Variants in PDE4D observed in about 807,000 individuals in gnomAD.
PDE4D encodes the protein phosphodiesterase 4D, also known as 3',5'-cyclic-AMP phosphodiesterase 4D.
Under a neutral mutation model 87.4 loss-of-function variants are expected in PDE4D, and 24 were observed. The ratio of observed to expected loss-of-function variants is 0.27; its 90% CI spans 0.20 to 0.39. The LOEUF (loss-of-function observed/expected upper bound fraction) is 0.39, where lower values mean the gene tolerates loss of function less well. Among genes scored for constraint, PDE4D ranks in the 10% least tolerant of loss-of-function variants. The pLI is 1.00. For synonymous variants in PDE4D, 384 were observed against 383.2 expected, an observed-to-expected ratio of 1.00 and a Z score of -0.02; for missense variants, 714 against 1,041.0, an observed-to-expected ratio of 0.69 and a Z score of 4.32.
intron 1 of PDE4D, among the ~76,000 whole-genome samples, chr5:59,405,461 T>C (rs1562123019): frequency 6.6e-6 from 1 of 152,228 alleles, no homozygotes; most frequent in Admixed American, 6.5e-5. Context: ...TTACCAGTTC[T>C]AGTAGTGTTT....
chr5:59,160,347 T>C (rs951288670), intron 5 of PDE4D, among the ~76,000 whole-genome samples: 4 of 152,202 alleles, frequency 2.6e-5, no homozygotes, highest in Non-Finnish European at 5.9e-5. Flanking sequence ...CTTATATTTT[T>C]TGTAACTATC....
In PDE4D at chr5:59,771,132, A is replaced by AAAATAAATAAATAAAT. The variant is rs201697322; in HGVS notation, c.455+122020_455+122035dup. Among the ~76,000 whole-genome samples, 212 of 143,236 alleles carry AAAATAAATAAATAAAT rather than the reference A, an allele frequency of 1.5e-3. 1 individual carries two copies. The highest frequency in any genetic ancestry group is 5.3e-3 in the African/African-American group (201 of 37,838). The allele number at this position is 143,236 out of a possible 152,430, so 94.0% of individuals were successfully genotyped here. On this transcript the variant is annotated intron_variant, in intron 1 of 14. Transcript: ENST00000340635. ...GCATGACAGAGCGAGACCCAGCCTC[A>AAAATAAATAAATAAAT]AAATAAATAAATAAATAAATAAATA...
chr5:59,015,002 G>A (rs1580302159), intron 6 of PDE4D, among the ~76,000 whole-genome samples: 1 of 152,244 alleles, frequency 6.6e-6, no homozygotes, highest in East Asian at 1.9e-4. Context: ...TGACAAACCT[G>A]ACAAAAACAA....
chr5:60,306,970 T>G (rs1253576351), intron 1 of PDE4D, among the ~76,000 whole-genome samples: 1 of 152,180 alleles, frequency 6.6e-6, no homozygotes, highest in African/African-American at 2.4e-5. Context: ...TTCATTATAT[T>G]ACGTTGTTGC....
chr5:59,538,053 A>G (rs1178005926), intron 1 of PDE4D, among the ~76,000 whole-genome samples: 1 of 152,194 alleles, frequency 6.6e-6, no homozygotes, highest in Non-Finnish European at 1.5e-5. Context: ...TAAAATCCCA[A>G]CTGAAAAATA....
intron 5 of PDE4D, among the ~76,000 whole-genome samples, chr5:59,093,941 T>C (rs563811271): frequency 6.0e-4 from 92 of 152,108 alleles, no homozygotes; most frequent in African/African-American, 2.2e-3. Context: ...AGGATGAGGC[T>C]GGGCATGTTG....
At chr5:60,046,825 T>A (rs1769322136) in intron 2 of PDE4D, among the ~76,000 whole-genome samples, 1 of 152,148 alleles carries the variant, frequency 6.6e-6, no homozygotes, top group Admixed American at 6.5e-5. Flanking sequence ...GGTCTAAAAT[T>A]CTCTTTTTTG....
At chr5:59,001,404 GTC>G (rs919030823) in intron 6 of PDE4D, among the ~76,000 whole-genome samples, 1 of 152,080 alleles carries the variant, frequency 6.6e-6, no homozygotes, top group African/African-American at 2.4e-5. Context: ...GTAACACTGT[GTC>G]TCTCTGAGTT....
At chr5:60,057,975 T>C (rs907094121) in intron 2 of PDE4D, among the ~76,000 whole-genome samples, 8 of 152,002 alleles carry the variant, frequency 5.3e-5, no homozygotes, top group South Asian at 2.1e-4. Context: ...TCTGGAAAGA[T>C]AGATTCTCTA....
chr5:59,916,255 CAT>C (rs2152774545), intron 3 of PDE4D, among the ~76,000 whole-genome samples: 1 of 152,292 alleles, frequency 6.6e-6, no homozygotes, highest in Non-Finnish European at 1.5e-5. Context: ...AACAAGCTCA[CAT>C]GTCATCAGGA....
In PDE4D at chr5:59,016,062, G is replaced by A. The variant is rs151250434; in HGVS notation, c.922-22597C>T. On this transcript the variant is annotated intron_variant, in intron 6 of 14. Transcript: ENST00000340635. ...AAACACCGCATGTTCTCACTCATAG[G>A]TGGGAATTGAACAATGAGAACACTT... is the stretch of plus-strand genomic sequence containing the variant. 2.6e-3 allele frequency among the ~76,000 whole-genome samples: 390 copies of A among 152,286 alleles called. 6 individuals are homozygous for A. In the East Asian group the frequency reaches 0.048, roughly 19 times the overall value.
At chr5:59,554,712 G>A (rs1470434879) in intron 1 of PDE4D, among the ~76,000 whole-genome samples, 1 of 152,158 alleles carries the variant, frequency 6.6e-6, no homozygotes, top group African/African-American at 2.4e-5. Flanking sequence ...ACCATGAAAC[G>A]ACTGGAGGAA....
chr5:60,156,393 C>T (rs1175157123), intron 2 of PDE4D, among the ~76,000 whole-genome samples: 1 of 152,142 alleles, frequency 6.6e-6, no homozygotes, highest in African/African-American at 2.4e-5. Context: ...TTGAGAGCTT[C>T]CCCTAGAGTG....
intron 1 of PDE4D, among the ~76,000 whole-genome samples, chr5:60,459,358 T>C (rs533516802): frequency 9.8e-5 from 15 of 152,344 alleles, no homozygotes; most frequent in East Asian, 7.7e-4. Flanking sequence ...CACCCTTTGC[T>C]GACCTTCTAT....
intron 1 of PDE4D, among the ~76,000 whole-genome samples, chr5:59,464,722 C>A (rs1050765944): frequency 6.6e-6 from 1 of 152,146 alleles, no homozygotes; most frequent in Non-Finnish European, 1.5e-5. Context: ...ATGAGAAACA[C>A]CCACAGGTGT....
At chr5:59,702,857 G>A (rs1752786649) in intron 1 of PDE4D, among the ~76,000 whole-genome samples, 1 of 105,280 alleles carries the variant, frequency 9.5e-6, no homozygotes, top group African/African-American at 4.1e-5. Context: ...GCAACAGAGT[G>A]AGACCCTGTC....
chr5:59,766,925 G>T lies in PDE4D; in HGVS notation c.455+126243C>A, dbSNP rs77831262. Among the ~76,000 whole-genome samples, 153 of 152,264 alleles carry T rather than the reference G, an allele frequency of 1.0e-3. 3 individuals carry two copies. The East Asian group carries it at 0.027, about 26-fold the overall frequency. On this transcript the variant is annotated intron_variant, in intron 1 of 14. Transcript: ENST00000340635. ...TACCAAACTCAGAAATGCCATCTAG[G>T]TGTTAAAATCCTGGGGACAATAACA...
At chr5:59,431,780 C>T (rs1796144847) in intron 1 of PDE4D, among the ~76,000 whole-genome samples, 1 of 152,070 alleles carries the variant, frequency 6.6e-6, no homozygotes, top group South Asian at 2.1e-4. Flanking sequence ...TCTCCCTCCT[C>T]CCACCTTCAC....
intron 5 of PDE4D, among the ~76,000 whole-genome samples, chr5:59,067,305 C>G (rs962580843): frequency 6.6e-6 from 1 of 152,068 alleles, no homozygotes; most frequent in African/African-American, 2.4e-5. Context: ...GCATGAGCCA[C>G]TGTGCCTGGC....
Sources: gnomAD v4.1 joint callset for allele counts (sites outside exome capture counted in the v4.1 genomes callset) on GRCh38, gnomAD v4.1.1 for gene constraint, MANE v1.5 for transcripts, NCBI Gene and HGNC (gene_info 2026-07-23, HGNC 2026-07-21) for gene names.